Variants in PDE6A observed in about 807,000 individuals in gnomAD.
PDE6A encodes the protein rod cGMP-specific 3',5'-cyclic phosphodiesterase subunit alpha.
PDE6A carries 84 observed loss-of-function variants against 106.3 expected under a neutral mutation model. The ratio of observed to expected loss-of-function variants is 0.79; its 90% CI spans 0.66 to 0.95. The LOEUF (loss-of-function observed/expected upper bound fraction) is 0.95. Among genes scored for constraint, PDE6A ranks in the 40% least tolerant of loss-of-function variants. PDE6A has a pLI of 0.00. For missense variants in PDE6A, 1,052 were observed against 1,084.9 expected, an observed-to-expected ratio of 0.97 and a Z score of 0.43; for synonymous variants, 394 against 386.6, an observed-to-expected ratio of 1.02 and a Z score of -0.23.
At chr5:149,905,158 C>A (rs1173088578) in intron 7 of PDE6A, among the ~76,000 whole-genome samples, 1 of 152,188 alleles carries the variant, frequency 6.6e-6, no homozygotes, top group Non-Finnish European at 1.5e-5. Flanking sequence ...TCCAGAGAGA[C>A]ACTGCCCTCT....
chr5:149,860,287 A>G lies in PDE6A; in HGVS notation c.*608T>C, dbSNP rs4705389. On this transcript the variant is annotated 3_prime_UTR_variant, in exon 22 of 22. Transcript: ENST00000255266. ...GCATGTAGCAAAATCTTGATATTGG[A>G]ATCTGGGTGATGGGTATGTGGGGAT... 96,814 of 152,122 alleles carry G rather than the reference A, an allele frequency of 0.64. 31,351 individuals are homozygous for G. The highest frequency in any genetic ancestry group is 0.74 in the African/African-American group (30,808 of 41,490). 9.4% of individuals were successfully genotyped at this position (152,122 alleles called of 1,614,324 possible).
chr5:149,907,452 T>A (rs1581190774), intron 6 of PDE6A, 74 bp from the exon 7 acceptor site: 2 of 1,221,420 alleles, frequency 1.6e-6, no homozygotes, highest in East Asian at 4.7e-5. Flanking sequence ...TCTGGGTGTT[T>A]GCGCTCCCCC....
intron 14 of PDE6A, 30 bp downstream of exon 14, chr5:149,886,235 G>A: frequency 6.8e-7 from 1 of 1,463,550 alleles, no homozygotes; most frequent in Non-Finnish European, 9.6e-7. Flanking sequence ...GAATCCGGAG[G>A]GTTGGGTGTG....
intron 3 of PDE6A, chr5:149,932,048 A>T: frequency 2.0e-6 from 3 of 1,515,382 alleles, no homozygotes; most frequent in Non-Finnish European, 2.7e-6. Flanking sequence ...GCAGCCAGAA[A>T]GCTACAGTAA....
At chr5:149,933,007 T>C (rs1316148420) in intron 3 of PDE6A, among the ~76,000 whole-genome samples, 1 of 152,202 alleles carries the variant, frequency 6.6e-6, no homozygotes, top group African/African-American at 2.4e-5. Flanking sequence ...GTATTTATTT[T>C]TTAGGGACAG....
intron 1 of PDE6A, among the ~76,000 whole-genome samples, chr5:149,943,964 T>C (rs947871408): frequency 3.9e-5 from 6 of 152,226 alleles, no homozygotes; most frequent in Non-Finnish European, 8.8e-5. Context: ...AAGATGTTAA[T>C]GAATGATAAA....
At chr5:149,915,109 A>T in intron 5 of PDE6A, 102 bp from the exon 6 acceptor site, 1 of 677,580 alleles carries the variant, frequency 1.5e-6, no homozygotes. Flanking sequence ...ATCTCAGCTC[A>T]CTGCAACCTC....
At chr5:149,867,557 A>G in intron 19 of PDE6A, 168 bp downstream of exon 19, 1 of 697,112 alleles carries the variant, frequency 1.4e-6, no homozygotes. Flanking sequence ...CATGTTCTCA[A>G]GTAATGAGGT....
At chr5:149,928,239 T>A (rs1229669507) in intron 4 of PDE6A, among the ~76,000 whole-genome samples, 24 of 56,450 alleles carry the variant, frequency 4.3e-4, no homozygotes, top group South Asian at 1.8e-3. Flanking sequence ...ATATTTTTTT[T>A]TTTTTTTTTT....
intron 17 of PDE6A, among the ~76,000 whole-genome samples, chr5:149,873,607 C>T (rs1031411569): frequency 1.3e-5 from 2 of 152,160 alleles, no homozygotes; most frequent in African/African-American, 4.8e-5. Context: ...GCTGAGATTA[C>T]AGGTGTGAGC....
chr5:149,923,571 AACATAACAAAC>A (rs1342533444), intron 4 of PDE6A, among the ~76,000 whole-genome samples: 2 of 89,256 alleles, frequency 2.2e-5, no homozygotes, highest in African/African-American at 7.1e-5. Flanking sequence ...AACATAACAT[AACATAACAAAC>A]AACAACACTA....
chr5:149,926,706 G>A (rs1340235976), intron 4 of PDE6A, among the ~76,000 whole-genome samples: 3 of 152,184 alleles, frequency 2.0e-5, no homozygotes, highest in African/African-American at 7.2e-5. Context: ...TGGGCCAGGT[G>A]CAGTGGCTCA....
At chr5:149,871,677 C>T (rs78323685) in intron 17 of PDE6A, among the ~76,000 whole-genome samples, 14,843 of 152,036 alleles carry the variant, frequency 0.098, 1,684 homozygotes, top group African/African-American at 0.27. Flanking sequence ...AGAGCCCAGG[C>T]GCCGCTGCGA....
At chr5:149,884,709 C>T in intron 15 of PDE6A, 71 bp downstream of exon 15, 1 of 1,508,686 alleles carries the variant, frequency 6.6e-7, no homozygotes, top group Admixed American at 1.7e-5. Context: ...CCTGGGCACA[C>T]TCAGGCTCCT....
At chr5:149,898,261 C>T in intron 10 of PDE6A, 102 bp downstream of exon 10, 1 of 1,022,728 alleles carries the variant, frequency 9.8e-7, no homozygotes, top group South Asian at 1.3e-5. Context: ...AAACCCATGC[C>T]CAGGCTGTGC....
chr5:149,920,938 G>A (rs377184422), intron 5 of PDE6A, among the ~76,000 whole-genome samples: 165 of 69,712 alleles, frequency 2.4e-3, no homozygotes, highest in African/African-American at 8.5e-3. Flanking sequence ...GAGAGAAAGA[G>A]AGAAAAAGAA....
intron 13 of PDE6A, among the ~76,000 whole-genome samples, chr5:149,889,081 C>CAAAAAAAAAAAAAAAAAAAAAAAAAAA (rs568428704): frequency 6.5e-5 from 4 of 61,566 alleles, no homozygotes; most frequent in Non-Finnish European, 9.0e-5. Context: ...GACTCTGTCT[C>CAAAAAAAAAAAAAAAAAAAAAAAAAAA]AAAAAAAAAA....
rs1561676688 is a variant in PDE6A, at chr5:149,866,190, C to T, written c.2338G>A (p.Val780Ile). Residue 780 changes from valine to isoleucine, a missense_variant, in exon 20 of 22, where the codon GTT (valine) becomes ATT (isoleucine). Physicochemically the swap from Val to Ile is conservative, Grantham distance 29 (BLOSUM62 3). Around this residue, in one of 3 missense-constraint regions of PDE6A, gnomAD observed 135 missense variants for 153.2 expected, o/e 0.88. Transcript: ENST00000255266. ...PKLQVGFIDFVCTFVYKEFSR... is the reference protein window; with the variant it reads ...PKLQVGFIDFICTFVYKEFSR... ...CCTACCTTGTAGACGAAGGTGCAAA[C>T]AAAGTCAATGAAGCCGACTTGAAGC... The T allele has an allele frequency of 4.3e-6, 7 of 1,614,072 alleles. No individual in the cohort carries two copies. The East Asian group carries it at 1.6e-4, about 36-fold the overall frequency.
intron 21 of PDE6A, among the ~76,000 whole-genome samples, chr5:149,862,879 C>T (rs574068885): frequency 5.9e-5 from 9 of 152,284 alleles, no homozygotes; most frequent in East Asian, 1.9e-4. Context: ...TGTTGGTTGC[C>T]GGGGCACTTG....
Sources: gnomAD v4.1 joint callset for allele counts (sites outside exome capture counted in the v4.1 genomes callset) on GRCh38, gnomAD v4.1.1 for gene constraint, gnomAD v4.1.1 regional missense constraint, MANE v1.5 for transcripts, NCBI Gene and HGNC (gene_info 2026-07-23, HGNC 2026-07-21) for gene names.